BCAT1: variants seen among roughly 807,000 people sequenced by gnomAD.
The protein encoded by BCAT1 is branched-chain-amino-acid aminotransferase, cytosolic.
Under a neutral mutation model 52.4 loss-of-function variants are expected in BCAT1, and 48 were observed. That is an observed-to-expected ratio of 0.92 (90% confidence interval 0.73 to 1.16). The LOEUF (loss-of-function observed/expected upper bound fraction) is 1.16. Among genes scored for constraint, BCAT1 ranks in the 50% most tolerant of loss-of-function variants. The pLI is 0.00. For synonymous variants in BCAT1, 167 were observed against 161.3 expected, an observed-to-expected ratio of 1.04 and a Z score of -0.27; for missense variants, 451 against 457.1, an observed-to-expected ratio of 0.99 and a Z score of 0.12.
intron 1 of BCAT1, among the ~76,000 whole-genome samples, chr12:24,922,074 A>G (rs1441949275): frequency 6.6e-6 from 1 of 152,250 alleles, no homozygotes; most frequent in South Asian, 2.1e-4. Context: ...CATCAAATGA[A>G]TAATCAAAGA....
intron 5 of BCAT1, among the ~76,000 whole-genome samples, chr12:24,850,673 A>C (rs1384013519): frequency 3.9e-5 from 6 of 152,154 alleles, no homozygotes; most frequent in African/African-American, 1.4e-4. Flanking sequence ...AACTGTTCAA[A>C]CCATGTTCAA....
At chr12:24,855,772 AT>A (rs914235327) in intron 5 of BCAT1, among the ~76,000 whole-genome samples, 7 of 151,274 alleles carry the variant, frequency 4.6e-5, no homozygotes, top group African/African-American at 1.2e-4. Flanking sequence ...TTCCATCTTT[AT>A]TTTTTTTCTT....
chr12:24,860,176 T>G (rs1326748491), intron 5 of BCAT1, among the ~76,000 whole-genome samples: 1 of 152,214 alleles, frequency 6.6e-6, no homozygotes, highest in Non-Finnish European at 1.5e-5. Context: ...AGAGGGCTCT[T>G]AAATGCAGGT....
At chr12:24,855,297 A>C (rs934343339) in intron 5 of BCAT1, among the ~76,000 whole-genome samples, 1 of 149,602 alleles carries the variant, frequency 6.7e-6, no homozygotes, top group African/African-American at 2.5e-5. Context: ...CCTGCTCCGC[A>C]GGAGCAGTTA....
chr12:24,832,088 A>G (rs1056878367), intron 9 of BCAT1, among the ~76,000 whole-genome samples: 4 of 152,234 alleles, frequency 2.6e-5, no homozygotes, highest in Non-Finnish European at 5.9e-5. Flanking sequence ...TGCATTTTCC[A>G]TAACTATTTG....
intron 3 of BCAT1, among the ~76,000 whole-genome samples, chr12:24,889,553 CTG>C (rs957148442): frequency 2.0e-5 from 3 of 152,146 alleles, no homozygotes; most frequent in African/African-American, 7.2e-5. Context: ...AGAAATAATA[CTG>C]TGTGATTTAC....
intron 1 of BCAT1, among the ~76,000 whole-genome samples, chr12:24,948,260 C>T (rs779612535): frequency 6.6e-6 from 1 of 152,220 alleles, no homozygotes; most frequent in African/African-American, 2.4e-5. Flanking sequence ...CAACGGTGTA[C>T]ATCCCTACAC....
chr12:24,825,630 T>C (rs368468428), intron 10 of BCAT1, among the ~76,000 whole-genome samples: 42 of 152,164 alleles, frequency 2.8e-4, no homozygotes, highest in African/African-American at 9.9e-4. Context: ...AGATCTTTTA[T>C]CCATTTTTAA....
chr12:24,827,833 A>G (rs1486043746), intron 10 of BCAT1, among the ~76,000 whole-genome samples: 1 of 152,188 alleles, frequency 6.6e-6, no homozygotes, highest in East Asian at 1.9e-4. Context: ...CTTTCTTTTT[A>G]ATACTGTAAA....
intron 7 of BCAT1, among the ~76,000 whole-genome samples, chr12:24,840,981 G>A (rs1373862750): frequency 6.6e-6 from 1 of 152,052 alleles, no homozygotes; most frequent in Admixed American, 6.6e-5. Flanking sequence ...AGAAATAAAT[G>A]CCTGTTTTTC....
intron 1 of BCAT1, among the ~76,000 whole-genome samples, chr12:24,911,791 G>T (rs542392827): frequency 6.6e-6 from 1 of 152,074 alleles, no homozygotes; most frequent in African/African-American, 2.4e-5. Flanking sequence ...GTCATCTCCA[G>T]GTACCTTAAA....
intron 5 of BCAT1, among the ~76,000 whole-genome samples, chr12:24,867,445 G>A (rs10771138): frequency 0.54 from 81,193 of 150,742 alleles, 22,548 homozygotes; most frequent in East Asian, 0.77. Context: ...ATTGCCAAAC[G>A]TCATAGCTGT....
At chr12:24,902,478 G>A in intron 1 of BCAT1, 2 of 269,866 alleles carry the variant, frequency 7.4e-6, no homozygotes, top group Non-Finnish European at 1.2e-5. Context: ...GCAGACATTT[G>A]TTTTAATGCG....
intron 6 of BCAT1, among the ~76,000 whole-genome samples, chr12:24,848,728 T>C (rs1283031291): frequency 6.6e-6 from 1 of 151,578 alleles, no homozygotes; most frequent in Non-Finnish European, 1.5e-5. Flanking sequence ...GTTTTCAACC[T>C]GGCTAGCCTA....
At chr12:24,910,360 T>C (rs1943300911) in intron 1 of BCAT1, among the ~76,000 whole-genome samples, 1 of 151,132 alleles carries the variant, frequency 6.6e-6, no homozygotes, top group Non-Finnish European at 1.5e-5. Context: ...CTGGGTGACA[T>C]AGCGAGACTC....
At chr12:24,935,861 TC>T (rs1312643586) in intron 1 of BCAT1, among the ~76,000 whole-genome samples, 9 of 152,044 alleles carry the variant, frequency 5.9e-5, no homozygotes, top group Non-Finnish European at 1.0e-4. Context: ...CTAAACATGG[TC>T]CTCATTTCTT....
intron 1 of BCAT1, among the ~76,000 whole-genome samples, chr12:24,920,971 C>A (rs1268735839): frequency 1.3e-5 from 2 of 152,180 alleles, no homozygotes; most frequent in African/African-American, 4.8e-5. Context: ...GTTCTGAGCA[C>A]AGGAGCTTTT....
In BCAT1 at chr12:24,815,640, C is replaced by T. The variant is rs1043776876; in HGVS notation, c.*2368G>A. On this transcript the variant is annotated 3_prime_UTR_variant, in exon 11 of 11. Coordinates refer to ENST00000261192, the MANE Select transcript of BCAT1 (RefSeq NM_005504.7). ...TCAAGGTCAATTTCCTGTCTTATTA[C>T]TTAAATGACAATGGTGGATTGTGTT... The T allele has an allele frequency of 2.6e-5, 4 of 152,168 alleles. No individual in the cohort carries two copies. Among genetic ancestry groups the T allele is most frequent in the African/African-American group, 7.2e-5 (3 of 41,426 alleles). The allele number at this position is 152,168 out of a possible 1,614,324, so 9.4% of individuals were successfully genotyped here. A position where few individuals can be genotyped will look rare whatever the true frequency, so the allele number is the denominator to read the frequency against.
Position 24,878,607 on chromosome 12 carries a change from C to G in BCAT1, c.433G>C (p.Val145Leu). ...GGGACCCATTCTTGATCCAATTTCA[C>G]AAGCTGTTGAATACACTCTAAGAGC... ...EELLECIQQL[V>L]KLDQEWVPYS... The change falls in exon 5 of 11, where the codon GTG (valine) becomes CTG (leucine). Residue 145 changes from valine to leucine, a missense_variant. Val to Leu is a conservative substitution (Grantham distance 32). Coordinates refer to ENST00000261192, the MANE Select transcript of BCAT1 (RefSeq NM_005504.7). The G allele has an allele frequency of 6.2e-7, 1 of 1,609,430 alleles. No homozygotes were observed. The highest frequency in any genetic ancestry group is 8.5e-7 in the Non-Finnish European group (1 of 1,176,126).
Sources: allele counts gnomAD v4.1 joint callset (sites outside exome capture counted in the v4.1 genomes callset), GRCh38; gene constraint gnomAD v4.1.1; transcripts MANE v1.5; gene names NCBI Gene and HGNC (gene_info 2026-07-23, HGNC 2026-07-21).